Variants in GRIK2 observed in about 807,000 individuals in gnomAD.
The protein encoded by GRIK2 is glutamate ionotropic receptor kainate type subunit 2.
GRIK2 carries 32 observed loss-of-function variants against 100.3 expected under a neutral mutation model. The observed-to-expected ratio is 0.32, with a 90% CI of 0.24 to 0.43. The LOEUF (loss-of-function observed/expected upper bound fraction) is 0.43. Ranked by LOEUF, GRIK2 falls within the 20% of genes least tolerant of loss-of-function variation. GRIK2 has a pLI of 1.00. For synonymous variants in GRIK2, 417 were observed against 389.4 expected (o/e 1.07, Z -0.83); for missense variants, 843 against 1,114.9 (o/e 0.76, Z 3.47).
intron 2 of GRIK2, chr6:101,431,450 T>C (rs1403855392): frequency 6.6e-6 from 1 of 152,314 alleles, no homozygotes; most frequent in Non-Finnish European, 1.5e-5. Context: ...GAGGGGAACA[T>C]GGCTTGGGGG....
At chr6:101,942,326 G>T (rs1791007284) in intron 14 of GRIK2, among the ~76,000 whole-genome samples, 1 of 152,114 alleles carries the variant, frequency 6.6e-6, no homozygotes, top group Non-Finnish European at 1.5e-5. Flanking sequence ...GACTAATATA[G>T]AAATTGGTAC....
chr6:101,905,538 A>G (rs1180864457), intron 12 of GRIK2, among the ~76,000 whole-genome samples: 2 of 151,618 alleles, frequency 1.3e-5, no homozygotes, highest in Non-Finnish European at 3.0e-5. Flanking sequence ...CACACAAAAC[A>G]GCATGTATCC....
chr6:101,925,117 T>G (rs560607825), intron 13 of GRIK2, among the ~76,000 whole-genome samples: 22 of 152,264 alleles, frequency 1.4e-4, no homozygotes, highest in African/African-American at 5.3e-4. Flanking sequence ...CTCTTTCATA[T>G]TAATTCTTGG....
At chr6:102,055,230 A>C in intron 15 of GRIK2, 100 bp from the exon 16 acceptor site, 2 of 818,990 alleles carry the variant, frequency 2.4e-6, no homozygotes, top group Non-Finnish European at 3.8e-6. Context: ...GCACACTTTG[A>C]AGCATTTTGA....
rs943390370 is a variant in GRIK2 at position 101,562,713 on chromosome 6, C to T, written c.116-59236C>T. 1.3e-5 allele frequency among the ~76,000 whole-genome samples: 2 copies of T among 152,012 alleles called. 1 individual carries two copies. ...GCCCATAATTCCCATTATATCTATC[C>T]TTGAATGTTCTTCTGATGATTAAAT... On this transcript the variant is annotated intron_variant, in intron 2 of 16. Transcript: ENST00000369134.
intron 15 of GRIK2, among the ~76,000 whole-genome samples, chr6:102,044,606 C>T (rs971134393): frequency 3.3e-5 from 5 of 151,912 alleles, no homozygotes; most frequent in African/African-American, 9.7e-5. Context: ...TATGGGGAAC[C>T]ACCCACATGA....
At chr6:101,791,732 G>A (rs2128408427) in intron 7 of GRIK2, among the ~76,000 whole-genome samples, 1 of 152,146 alleles carries the variant, frequency 6.6e-6, no homozygotes, top group Non-Finnish European at 1.5e-5. Flanking sequence ...TCCGCTTGGT[G>A]CAGAGCTGAG....
chr6:101,596,252 A>G lies in GRIK2; in HGVS notation c.116-25697A>G, dbSNP rs1778925142. 2.0e-5 allele frequency among the ~76,000 whole-genome samples: 3 copies of G among 150,192 alleles called. No individual in the cohort carries two copies. In the South Asian group the frequency reaches 6.3e-4, roughly 31 times the overall value. On this transcript the variant is annotated intron_variant, in intron 2 of 16. Transcript: ENST00000369134. ...TCCTTTTTTTTTTTTCCTCTCAGGC[A>G]AAATAAATGAATGAATGGTGTCACG... is the stretch of plus-strand genomic sequence containing the variant.
intron 10 of GRIK2, among the ~76,000 whole-genome samples, chr6:101,841,307 G>C (rs1310745515): frequency 6.6e-6 from 1 of 151,882 alleles, no homozygotes; most frequent in Non-Finnish European, 1.5e-5. Context: ...AGCAAAGTTT[G>C]TTAGGTTTTG....
intron 10 of GRIK2, among the ~76,000 whole-genome samples, chr6:101,853,895 A>G (rs1238519424): frequency 1.3e-5 from 2 of 152,204 alleles, no homozygotes; most frequent in African/African-American, 2.4e-5. Flanking sequence ...TGGAGCTACT[A>G]AAAAGATTAA....
intron 7 of GRIK2, among the ~76,000 whole-genome samples, chr6:101,789,077 T>C (rs1779641304): frequency 6.6e-6 from 1 of 152,282 alleles, no homozygotes; most frequent in Admixed American, 6.5e-5. Flanking sequence ...TGTCAATTTG[T>C]TTGAGTTCAT....
At chr6:102,051,527 G>T (rs2782889) in intron 15 of GRIK2, among the ~76,000 whole-genome samples, 63,961 of 151,746 alleles carry the variant, frequency 0.42, 13,538 homozygotes, top group Middle Eastern at 0.49. Flanking sequence ...TAAAAGTGTT[G>T]GGTTTATCCT....
intron 7 of GRIK2, among the ~76,000 whole-genome samples, chr6:101,790,266 G>A (rs1449805989): frequency 6.6e-6 from 1 of 151,710 alleles, no homozygotes; most frequent in Non-Finnish European, 1.5e-5. Context: ...GGTGAGAGAG[G>A]GCATCCCTGT....
intron 9 of GRIK2, among the ~76,000 whole-genome samples, chr6:101,806,307 T>C (rs1583186536): frequency 1.3e-5 from 2 of 152,076 alleles, no homozygotes; most frequent in South Asian, 2.1e-4. Context: ...AAGGATCATA[T>C]AGTGTATTCT....
At chr6:101,529,318 T>C (rs1775306141) in intron 2 of GRIK2, among the ~76,000 whole-genome samples, 1 of 152,096 alleles carries the variant, frequency 6.6e-6, no homozygotes, top group African/African-American at 2.4e-5. Flanking sequence ...GCTAAATGAA[T>C]GTATTCTCAC....
intron 4 of GRIK2, among the ~76,000 whole-genome samples, chr6:101,638,758 A>G (rs1781143674): frequency 6.6e-6 from 1 of 152,064 alleles, no homozygotes; most frequent in African/African-American, 2.4e-5. Flanking sequence ...AGTAACAATA[A>G]TGTCATTTCT....
chr6:101,923,837 C>A (rs1789708816), intron 12 of GRIK2, among the ~76,000 whole-genome samples: 1 of 147,898 alleles, frequency 6.8e-6, no homozygotes, highest in Admixed American at 6.9e-5. Flanking sequence ...AGGAGAATCG[C>A]TTGAACCCAG....
At chr6:101,662,726 A>G (rs1315216662) in intron 4 of GRIK2, among the ~76,000 whole-genome samples, 1 of 152,062 alleles carries the variant, frequency 6.6e-6, no homozygotes, top group Non-Finnish European at 1.5e-5. Context: ...CATTCTGAAC[A>G]CTTCTATCGT....
In GRIK2 at chr6:101,833,712, C is replaced by CA. The variant is rs200062610; in HGVS notation, c.1317+15234dup. ...AATATATTAATTAATTTTTGAATGG[C>CA]AAAAATACTTATATTCCAGCAATAA... is the stretch of plus-strand genomic sequence containing the variant. On this transcript the variant is annotated intron_variant, in intron 10 of 16. Transcript: ENST00000369134. Among the ~76,000 whole-genome samples the CA allele has an allele frequency of 8.7e-3, 1,322 of 151,818 alleles. 9 individuals carry two copies. Among genetic ancestry groups the CA allele is most frequent in the Middle Eastern group, 0.021 (6 of 288 alleles).
Sources: allele counts gnomAD v4.1 joint callset (sites outside exome capture counted in the v4.1 genomes callset), GRCh38; gene constraint gnomAD v4.1.1; transcripts MANE v1.5; gene names NCBI Gene and HGNC (gene_info 2026-07-23, HGNC 2026-07-21).